The following CNTN5 variants were observed in gnomAD, a reference collection of about 807,000 sequenced individuals.
CNTN5 encodes the protein contactin 5, also known as contactin-5.
In CNTN5, 77 loss-of-function variants were observed where a neutral mutation model predicts 129.1. The ratio of observed to expected loss-of-function variants is 0.60; its 90% confidence interval spans 0.50 to 0.72. The LOEUF (loss-of-function observed/expected upper bound fraction) is 0.72, where lower values mean the gene tolerates loss of function less well. CNTN5 is among the 30% of genes least tolerant of loss of function. The probability of loss-of-function intolerance (pLI) is 0.00; values close to 1 mark genes in which losing one functional copy is unlikely to be tolerated. For missense variants in CNTN5, 1,478 were observed against 1,328.8 expected (o/e 1.11, Z -1.75); for synonymous variants, 509 against 465.6 (o/e 1.09, Z -1.20).
At chr11:100,157,593 A>C (rs1225133690) in intron 13 of CNTN5, among the ~76,000 whole-genome samples, 1 of 151,822 alleles carries the variant, frequency 6.6e-6, no homozygotes, top group Non-Finnish European at 1.5e-5. Context: ...TTGATAAGCA[A>C]ATTCTGAAAA....
intron 8 of CNTN5, among the ~76,000 whole-genome samples, chr11:99,979,708 A>C (rs1043828584): frequency 6.6e-6 from 1 of 152,214 alleles, no homozygotes; most frequent in African/African-American, 2.4e-5. Context: ...TTATGAACTA[A>C]GTTGTATTTT....
intron 16 of CNTN5, among the ~76,000 whole-genome samples, chr11:100,230,415 C>G (rs1231789346): frequency 3.9e-5 from 6 of 152,110 alleles, no homozygotes; most frequent in Admixed American, 6.6e-5. Flanking sequence ...TTTCTTTTCT[C>G]TTATGCTTTT....
At chr11:99,514,591 T>A (rs1025707770) in intron 2 of CNTN5, among the ~76,000 whole-genome samples, 3 of 152,052 alleles carry the variant, frequency 2.0e-5, no homozygotes, top group Admixed American at 2.0e-4. Flanking sequence ...TAAGGCAGGA[T>A]CCTTCACTAG....
At chr11:99,876,204 A>G (rs969284254) in intron 6 of CNTN5, among the ~76,000 whole-genome samples, 2 of 152,188 alleles carry the variant, frequency 1.3e-5, no homozygotes, top group African/African-American at 2.4e-5. Flanking sequence ...AACTCCTCAC[A>G]TTTCCTTATG....
intron 3 of CNTN5, among the ~76,000 whole-genome samples, chr11:99,590,829 A>G (rs1221846797): frequency 1.3e-5 from 2 of 152,244 alleles, no homozygotes; most frequent in African/African-American, 4.8e-5. Flanking sequence ...AAAGTGCCAC[A>G]ACACCAGGGA....
At chr11:99,842,768 CAT>C (rs1947553503) in intron 4 of CNTN5, among the ~76,000 whole-genome samples, 1 of 152,068 alleles carries the variant, frequency 6.6e-6, no homozygotes, top group Admixed American at 6.5e-5. Context: ...TTTATAAACT[CAT>C]AATGCAACAA....
rs34253933 is a variant in CNTN5 at position 99,162,276 on chromosome 11, G to GTTT, written c.-210+141014_-210+141016dup. On this transcript the variant is annotated intron_variant, in intron 1 of 24. Transcript: ENST00000524871. ...AGTTGGCTTGAGGGTTCCTAGACAT[G>GTTT]TTTTTTTTTTCTTTTCATTGATAAA... Among the ~76,000 whole-genome samples the GTTT allele has an allele frequency of 4.0e-4, 60 of 150,134 alleles. 1 individual carries two copies. The highest frequency in any genetic ancestry group is 2.5e-3 in the South Asian group (12 of 4,764).
chr11:99,303,528 C>T (rs544190746), intron 1 of CNTN5, among the ~76,000 whole-genome samples: 34 of 150,032 alleles, frequency 2.3e-4, no homozygotes, highest in African/African-American at 7.4e-4. Context: ...AAATGGCACA[C>T]GAGATTAAAA....
intron 1 of CNTN5, among the ~76,000 whole-genome samples, chr11:99,300,100 C>T (rs369470431): frequency 8.2e-4 from 124 of 151,938 alleles, no homozygotes; most frequent in African/African-American, 2.4e-3. Flanking sequence ...GACAGGTTGA[C>T]GCCTTTTATT....
At chr11:99,821,733 G>T (rs868275493) in intron 4 of CNTN5, among the ~76,000 whole-genome samples, 12 of 152,016 alleles carry the variant, frequency 7.9e-5, no homozygotes, top group Admixed American at 6.6e-4. Context: ...ATTAAAATAA[G>T]ACCCCCCTTC....
intron 2 of CNTN5, among the ~76,000 whole-genome samples, chr11:99,519,839 C>G (rs1296612957): frequency 2.6e-5 from 4 of 152,090 alleles, no homozygotes; most frequent in Non-Finnish European, 5.9e-5. Context: ...CTCACCCTAA[C>G]TAGACTGCAG....
intron 1 of CNTN5, among the ~76,000 whole-genome samples, chr11:99,101,766 G>A (rs757612478): frequency 1.3e-5 from 2 of 152,098 alleles, no homozygotes; most frequent in Non-Finnish European, 2.9e-5. Context: ...TTCACAAATC[G>A]GCATTGTCTG....
chr11:100,287,729 A>C (rs866650572), intron 18 of CNTN5, among the ~76,000 whole-genome samples: 18 of 152,286 alleles, frequency 1.2e-4, no homozygotes, highest in Middle Eastern at 6.8e-3. Context: ...CTAACATCAT[A>C]ATGACAGGAT....
At chr11:99,449,592 T>C (rs1185154150) in intron 2 of CNTN5, among the ~76,000 whole-genome samples, 1 of 152,350 alleles carries the variant, frequency 6.6e-6, no homozygotes, top group African/African-American at 2.4e-5. Flanking sequence ...TTATTTCTCA[T>C]GATTCTGTGG....
Position 99,884,009 on chromosome 11 carries a change from T to A in CNTN5, c.578-32045T>A, listed in dbSNP as rs61911638. Among the ~76,000 whole-genome samples, 1,245 of 152,264 alleles carry A rather than the reference T, an allele frequency of 8.2e-3. 13 individuals are homozygous for A. The highest frequency in any genetic ancestry group is 0.01 in the Non-Finnish European group (681 of 68,024). On this transcript the variant is annotated intron_variant, in intron 6 of 24. Coordinates refer to ENST00000524871, the MANE Select transcript of CNTN5 (RefSeq NM_014361.4). ...TATTGGGGAATATGTACAATTAAAG[T>A]GATTCTGTTTTCACCTTTAGTGTTC... is the stretch of plus-strand genomic sequence containing the variant.
At chr11:99,500,217 G>T (rs115594952) in intron 2 of CNTN5, among the ~76,000 whole-genome samples, 1 of 152,134 alleles carries the variant, frequency 6.6e-6, no homozygotes, top group Non-Finnish European at 1.5e-5. Context: ...AATTATTGCT[G>T]ATCTTGATCT....
chr11:99,747,776 A>G (rs1243478068), intron 3 of CNTN5, among the ~76,000 whole-genome samples: 1 of 152,110 alleles, frequency 6.6e-6, no homozygotes, highest in Non-Finnish European at 1.5e-5. Context: ...CCGGCCGGCC[A>G]GCATTCTTGT....
intron 3 of CNTN5, among the ~76,000 whole-genome samples, chr11:99,618,962 T>C (rs1049348341): frequency 2.6e-5 from 4 of 152,182 alleles, no homozygotes; most frequent in African/African-American, 9.6e-5. Flanking sequence ...GAAGTTTTAT[T>C]AATCAATGAG....
chr11:99,314,366 G>A (rs376109172), intron 1 of CNTN5, among the ~76,000 whole-genome samples: 2 of 152,188 alleles, frequency 1.3e-5, no homozygotes, highest in Non-Finnish European at 2.9e-5. Context: ...TCTACTACAT[G>A]AAGCATTCTG....
Sources: gnomAD v4.1 joint callset for allele counts (sites outside exome capture counted in the v4.1 genomes callset) on GRCh38, gnomAD v4.1.1 for gene constraint, MANE v1.5 for transcripts, NCBI Gene and HGNC (gene_info 2026-07-23, HGNC 2026-07-21) for gene names.